C16orf96: variants seen among roughly 807,000 people sequenced by gnomAD.
C16orf96 encodes the protein chromosome 16 open reading frame 96, also known as uncharacterized protein C16orf96.
C16orf96 carries 108 observed loss-of-function variants against 103.6 expected under a neutral mutation model. That is an observed-to-expected ratio of 1.04 (90% CI 0.89 to 1.22). C16orf96 has a LOEUF of 1.22. C16orf96 is among the 50% of genes most tolerant of loss of function. The pLI, the probability that C16orf96 is intolerant of heterozygous loss-of-function variation, is 0.00. For missense variants in C16orf96, 1,586 were observed against 1,464.2 expected, an observed-to-expected ratio of 1.08 and a Z score of -1.36; for synonymous variants, 566 against 593.5, an observed-to-expected ratio of 0.95 and a Z score of 0.67.
Position 4,556,580 on chromosome 16 carries a change from C to G in C16orf96, c.91C>G (p.His31Asp). 1 of 1,551,714 alleles carries G rather than the reference C, an allele frequency of 6.4e-7. No homozygotes were observed. The highest frequency in any genetic ancestry group is 1.4e-5 in the African/African-American group (1 of 73,166). ...CTTCAAGGCCCTGCACCTCCTGCTG[C>G]ACGGCATCTTGGAGCACATCCACAT... ...LNFKALHLLL[H>D]GILEHIHMAE... The change falls in exon 1 of 16, where the codon CAC becomes GAC. Residue 31 changes from histidine (H) to aspartate (D), a missense_variant. Physicochemically the swap from His to Asp is moderately conservative, Grantham distance 81 (BLOSUM62 -1). Transcript: ENST00000444310.
At chr16:4,546,813 A>G in the C16orf96 span, among the ~76,000 whole-genome samples, 1 of 152,156 alleles carries the variant, frequency 6.6e-6, no homozygotes, top group South Asian at 2.1e-4. Flanking sequence ...TCAACTGATG[A>G]ATGGATAAAC....
chr16:4,542,042 C>T, the C16orf96 span, among the ~76,000 whole-genome samples: 4 of 152,284 alleles, frequency 2.6e-5, no homozygotes, highest in East Asian at 5.8e-4. Flanking sequence ...CCAAGAGAGG[C>T]AAATAGAAGG....
chr16:4,552,342 C>T (rs1292149263), upstream of C16orf96, among the ~76,000 whole-genome samples: 1 of 151,938 alleles, frequency 6.6e-6, no homozygotes, highest in African/African-American at 2.4e-5. Flanking sequence ...ATTAGCCTGG[C>T]ATGGTAGCAT....
At chr16:4,595,750 A>G (rs938170430) in intron 14 of C16orf96, among the ~76,000 whole-genome samples, 2 of 152,042 alleles carry the variant, frequency 1.3e-5, no homozygotes, top group African/African-American at 4.8e-5. Flanking sequence ...TCTGTCGCCC[A>G]GGCTGGAGTG....
upstream of C16orf96, among the ~76,000 whole-genome samples, chr16:4,552,878 T>C (rs2059236580): frequency 6.6e-6 from 1 of 152,206 alleles, no homozygotes; most frequent in Admixed American, 6.6e-5. Flanking sequence ...GAAACATGAA[T>C]GGTTACAGTG....
At chr16:4,569,699 CA>C (rs5815209) in intron 1 of C16orf96, among the ~76,000 whole-genome samples, 97 of 129,360 alleles carry the variant, frequency 7.5e-4, no homozygotes, top group Middle Eastern at 4.2e-3. Flanking sequence ...GACTCTGTCT[CA>C]AAAAAAAAAA....
At chr16:4,552,481 C>CA (rs58618088), upstream of C16orf96, among the ~76,000 whole-genome samples, 3,007 of 67,024 alleles carry the variant, frequency 0.045, 47 homozygotes, top group Non-Finnish European at 0.063. Flanking sequence ...GACTCTGTCT[C>CA]AAAAAAAAAA....
intron 14 of C16orf96, among the ~76,000 whole-genome samples, chr16:4,597,848 C>T (rs975086983): frequency 6.6e-5 from 10 of 152,098 alleles, no homozygotes; most frequent in Non-Finnish European, 1.3e-4. Flanking sequence ...TGAGCCACTG[C>T]GCCCGGCCTC....
the C16orf96 span, among the ~76,000 whole-genome samples, chr16:4,546,497 T>C: frequency 7.2e-6 from 1 of 139,640 alleles, no homozygotes; most frequent in Non-Finnish European, 1.5e-5. Context: ...AGGGTCTCAC[T>C]GTGTTGCACA....
At chr16:4,557,673 C>T (rs1295316422) in intron 1 of C16orf96, among the ~76,000 whole-genome samples, 1 of 151,974 alleles carries the variant, frequency 6.6e-6, no homozygotes, top group African/African-American at 2.4e-5. Context: ...GTGAATTTCA[C>T]CCCAATTTTT....
At chr16:4,553,708 C>G (rs111579187), upstream of C16orf96, among the ~76,000 whole-genome samples, 12,074 of 152,128 alleles carry the variant, frequency 0.079, 821 homozygotes, top group African/African-American at 0.18. Context: ...CTCCTGGATT[C>G]AAGCAACCCG....
In C16orf96 at chr16:4,569,894, A is replaced by T. The variant is rs146986166; in HGVS notation, c.421-1667A>T. Reference sequence around the variant, plus strand: ...GAGAGCTCAGTCTCACCAGGAGGACATGTTGAAAGCGTGCCCATGGCCACT... The same window carrying T: ...GAGAGCTCAGTCTCACCAGGAGGACTTGTTGAAAGCGTGCCCATGGCCACT... On this transcript the variant is annotated intron_variant, in intron 1 of 15. Coordinates refer to ENST00000444310, the MANE Select transcript of C16orf96 (RefSeq NM_001145011.2). Among the ~76,000 whole-genome samples, 33 of 152,198 alleles carry T rather than the reference A, an allele frequency of 2.2e-4. No homozygotes were observed. In the East Asian group the frequency reaches 6.4e-3, roughly 29 times the overall value.
At chr16:4,552,742 C>T (rs112369993), upstream of C16orf96, among the ~76,000 whole-genome samples, 751 of 152,186 alleles carry the variant, frequency 4.9e-3, 11 homozygotes, top group African/African-American at 0.018. Context: ...GCAGACCCTG[C>T]CAAACAGTTT....
At chr16:4,558,360 A>AAG (rs2059289935) in intron 1 of C16orf96, among the ~76,000 whole-genome samples, 1 of 152,200 alleles carries the variant, frequency 6.6e-6, no homozygotes, top group Non-Finnish European at 1.5e-5. Flanking sequence ...TCACACCTAT[A>AAG]ATCCCAACAC....
the C16orf96 span, among the ~76,000 whole-genome samples, chr16:4,546,649 A>G: frequency 0.015 from 2,286 of 151,720 alleles, 62 homozygotes; most frequent in African/African-American, 0.052. Flanking sequence ...TTATTTTTGT[A>G]GAGACAGGGT....
At chr16:4,567,215 A>G (rs2059391427) in intron 1 of C16orf96, among the ~76,000 whole-genome samples, 1 of 150,198 alleles carries the variant, frequency 6.7e-6, no homozygotes, top group Non-Finnish European at 1.5e-5. Flanking sequence ...TTTCATTTTA[A>G]CTCATTTCAA....
At chr16:4,551,568 C>T (rs1567433026), upstream of C16orf96, among the ~76,000 whole-genome samples, 1 of 152,158 alleles carries the variant, frequency 6.6e-6, no homozygotes. Context: ...TCTCTTGCCT[C>T]AGCCTCCCCA....
At position 4,594,784 on chromosome 16, in the gene C16orf96, C is replaced by T. The variant is rs1022380762; in HGVS notation, c.3108C>T (p.Ala1036=). 13 of 1,550,516 alleles carry T rather than the reference C, an allele frequency of 8.4e-6. No homozygotes were observed. The highest frequency in any genetic ancestry group is 1.8e-4 in the Middle Eastern group (1 of 5,562). The part of the protein sequence containing the change: ...VNSQRGAQPL[A]VAKELAAVKA... ...GCCAGCGTGGGGCTCAGCCCTTGGC[C>T]GTCGCAAAGGAGCTGGCAGGTGAGG... Residue 1036 remains alanine, a synonymous_variant, in exon 14 of 16, where the codon GCC becomes GCT. Transcript: ENST00000444310.
At chr16:4,541,289 T>C in the C16orf96 span, among the ~76,000 whole-genome samples, 146,908 of 152,322 alleles carry the variant, frequency 0.96, 71,074 homozygotes, top group South Asian at 1. Flanking sequence ...TCATTATTTA[T>C]GGATTTTGTG....
Sources: gnomAD v4.1 joint callset for allele counts (sites outside exome capture counted in the v4.1 genomes callset) on GRCh38, gnomAD v4.1.1 for gene constraint, MANE v1.5 for transcripts, NCBI Gene and HGNC (gene_info 2026-07-23, HGNC 2026-07-21) for gene names.